The following SIX2 variants were observed in gnomAD, a reference collection of about 807,000 sequenced individuals.
SIX2 encodes homeobox protein SIX2.
Under a neutral mutation model 22.8 loss-of-function variants are expected in SIX2, and 20 were observed. The ratio of observed to expected loss-of-function variants is 0.88; its 90% CI spans 0.62 to 1.28. The LOEUF (loss-of-function observed/expected upper bound fraction) is 1.28. Among genes scored for constraint, SIX2 ranks in the 50% most tolerant of loss-of-function variants. The pLI, the probability that SIX2 is intolerant of heterozygous loss-of-function variation, is 0.00. For missense variants in SIX2, 360 were observed against 400.0 expected (o/e 0.90, Z 0.85); for synonymous variants, 195 against 186.4 (o/e 1.05, Z -0.37).
At position 45,006,944 on chromosome 2, in the gene SIX2, C is replaced by T. The variant is rs2164705; in HGVS notation, c.561-459G>A. ...TAGCAGGTTAAGGAACCCTGGATCC[C>T]AGGTCAAGGGATTTAGGGCCTCTCA... On this transcript the variant is annotated intron_variant, in intron 1 of 1. Coordinates refer to ENST00000303077, the MANE Select transcript of SIX2 (RefSeq NM_016932.5). The surrounding 1 kb of genome is among the most constrained non-coding windows in gnomAD (Gnocchi z 4.2). Among the ~76,000 whole-genome samples, 2 of 152,276 alleles carry T rather than the reference C, an allele frequency of 1.3e-5. No individual in the cohort carries two copies. Among genetic ancestry groups the T allele is most frequent in the South Asian group, 4.1e-4 (2 of 4,824 alleles).
Position 45,005,716 on chromosome 2 carries a change from G to C in SIX2, c.*454C>G, listed in dbSNP as rs1667739308. 1 of 295,184 alleles carries C rather than the reference G, an allele frequency of 3.4e-6. No homozygotes were observed. The allele number at this position is 295,184 out of a possible 1,614,324, so 18.3% of individuals were successfully genotyped here. A position where few individuals can be genotyped will look rare whatever the true frequency, so the allele number is the denominator to read the frequency against. On this transcript the variant is annotated 3_prime_UTR_variant, in exon 2 of 2. Coordinates refer to ENST00000303077, the MANE Select transcript of SIX2 (RefSeq NM_016932.5). ...AGAAGAGAGGAGAAACAGAGAAGGAGAGAGAAAGGGAGAGACAGAAGGAGA... is the reference window on the plus strand; with the variant it reads ...AGAAGAGAGGAGAAACAGAGAAGGACAGAGAAAGGGAGAGACAGAAGGAGA...
In SIX2 at chr2:45,005,582, C is replaced by T. The variant is rs1480219064; in HGVS notation, c.*588G>A. On this transcript the variant is annotated 3_prime_UTR_variant, in exon 2 of 2. Coordinates refer to ENST00000303077, the MANE Select transcript of SIX2 (RefSeq NM_016932.5). Reference sequence around the variant, plus strand: ...CTCTTCCCTCTCCCACCCCCTACTCCGGTAAAGCGAGGGCCAGAGGTAGGG... The same window carrying T: ...CTCTTCCCTCTCCCACCCCCTACTCTGGTAAAGCGAGGGCCAGAGGTAGGG... 1 of 166,326 alleles carries T rather than the reference C, an allele frequency of 6.0e-6. No homozygotes were observed. The highest frequency in any genetic ancestry group is 5.5e-5 in the Admixed American group (1 of 18,164). 10.3% of individuals were successfully genotyped at this position (166,326 alleles called of 1,614,324 possible).
In SIX2 at chr2:45,006,781, A is replaced by G. The variant is rs1381688411; in HGVS notation, c.561-296T>C. On this transcript the variant is annotated intron_variant, in intron 1 of 1. Coordinates refer to ENST00000303077, the MANE Select transcript of SIX2 (RefSeq NM_016932.5). The surrounding 1 kb of genome is among the most constrained non-coding windows in gnomAD (Gnocchi z 4.2). ...TATTTCCTCTTTCCCCCCTTCCCCA[A>G]TATTTCTTTTCAGGAACAGAGGTGC... 1.3e-5 allele frequency among the ~76,000 whole-genome samples: 2 copies of G among 151,838 alleles called. No homozygotes were observed. Among genetic ancestry groups the G allele is most frequent in the Non-Finnish European group, 2.9e-5 (2 of 67,994 alleles).
rs778361827 is a variant in SIX2, at chr2:45,009,054, C to T, written c.57G>A (p.Glu19=). 1.4e-5 allele frequency: 23 copies of T among 1,604,974 alleles called. No individual in the cohort carries two copies. Among genetic ancestry groups the T allele is most frequent in the South Asian group, 9.9e-5 (9 of 90,766 alleles). The change falls in exon 1 of 2, where the codon GAG becomes GAA. Residue 19 remains glutamate, a synonymous_variant. Transcript: ENST00000303077. ...CGATGTTGCCGCCCTGCTGCAGCAC[C>T]TCGCACACGCACGCCACTTGCTCCT... is the stretch of plus-strand genomic sequence containing the variant. ...FTQEQVACVC[E]VLQQGGNIER...
rs1667829261 is a variant in SIX2 at position 45,009,228 on chromosome 2, C to T, written c.-118G>A. On this transcript the variant is annotated 5_prime_UTR_variant, in exon 1 of 2. Transcript: ENST00000303077. The stretch of plus-strand genomic sequence containing the variant: ...ACGCGGGCGGGGCTGGCCCCCTGGC[C>T]CGGCACTGGCCCCCGGTGAGCCCCG... 2 of 769,604 alleles carry T rather than the reference C, an allele frequency of 2.6e-6. No homozygotes were observed. Among genetic ancestry groups the T allele is most frequent in the Non-Finnish European group, 3.4e-6 (2 of 582,162 alleles). The allele number at this position is 769,604 out of a possible 1,614,324, so 47.7% of individuals were successfully genotyped here.
At chr2:45,008,113 C>T (rs185591150) in intron 1 of SIX2, among the ~76,000 whole-genome samples, 152 of 152,346 alleles carry the variant, frequency 1.0e-3, no homozygotes, top group Non-Finnish European at 1.5e-3. Context: ...GACCCCATCA[C>T]ACTTTGGCCT....
At position 45,009,244 on chromosome 2, in the gene SIX2, G is replaced by A. The variant is rs1408160169; in HGVS notation, c.-134C>T. The stretch of plus-strand genomic sequence containing the variant: ...CCCCCTGGCCCGGCACTGGCCCCCG[G>A]TGAGCCCCGAGTCACTGCCGTACGT... On this transcript the variant is annotated 5_prime_UTR_variant, in exon 1 of 2. Coordinates refer to ENST00000303077, the MANE Select transcript of SIX2 (RefSeq NM_016932.5). 16 of 642,978 alleles carry A rather than the reference G, an allele frequency of 2.5e-5. No individual in the cohort carries two copies. The highest frequency in any genetic ancestry group is 2.5e-5 in the Non-Finnish European group (12 of 471,448). 39.8% of individuals were successfully genotyped at this position (642,978 alleles called of 1,614,324 possible).
rs1667776043 is a variant in SIX2 at position 45,006,907 on chromosome 2, T to C, written c.561-422A>G. On this transcript the variant is annotated intron_variant, in intron 1 of 1. Coordinates refer to ENST00000303077, the MANE Select transcript of SIX2 (RefSeq NM_016932.5). This position sits in a 1 kb window ranked among gnomAD's most constrained non-coding sequence, Gnocchi z 4.2. ...GGCTCCACAAGCCAGGTTTGCTGGG[T>C]AGATGTGGGGCTAGCAGGTTAAGGA... 6.6e-6 allele frequency among the ~76,000 whole-genome samples: 1 copy of C among 152,170 alleles called. No homozygotes were observed. The highest frequency in any genetic ancestry group is 1.5e-5 in the Non-Finnish European group (1 of 68,020).
chr2:45,009,234 C>T lies in SIX2; in HGVS notation c.-124G>A. 2.7e-6 allele frequency: 2 copies of T among 753,982 alleles called. No individual in the cohort carries two copies. Among genetic ancestry groups the T allele is most frequent in the South Asian group, 6.2e-5 (1 of 16,034 alleles). The allele number at this position is 753,982 out of a possible 1,614,324, so 46.7% of individuals were successfully genotyped here. A position where few individuals can be genotyped will look rare whatever the true frequency, so the allele number is the denominator to read the frequency against. On this transcript the variant is annotated 5_prime_UTR_variant, in exon 1 of 2. It adds an upstream start codon to the 5' untranslated region. Transcript: ENST00000303077. The stretch of plus-strand genomic sequence containing the variant: ...GCGGGGCTGGCCCCCTGGCCCGGCA[C>T]TGGCCCCCGGTGAGCCCCGAGTCAC...
At chr2:45,008,473 G>C in intron 1 of SIX2, 78 bp downstream of exon 1, 2 of 1,508,790 alleles carry the variant, frequency 1.3e-6, no homozygotes, top group Non-Finnish European at 1.8e-6. Context: ...GGCCTCTCCG[G>C]GGGACCGGCA....
intron 1 of SIX2, among the ~76,000 whole-genome samples, chr2:45,007,350 T>C (rs1455315992): frequency 6.6e-6 from 1 of 152,174 alleles, no homozygotes. Flanking sequence ...ACCCACCTCC[T>C]TCTATGCCTT....
intron 1 of SIX2, among the ~76,000 whole-genome samples, chr2:45,007,043 C>T (rs538756890): frequency 2.0e-5 from 3 of 152,334 alleles, no homozygotes; most frequent in South Asian, 4.1e-4. Context: ...TGGGGCTAAG[C>T]GTCCTTTCCC....
chr2:45,005,746 G>T lies in SIX2; in HGVS notation c.*424C>A. 1 of 321,390 alleles carries T rather than the reference G, an allele frequency of 3.1e-6. No individual in the cohort carries two copies. The highest frequency in any genetic ancestry group is 7.8e-5 in the East Asian group (1 of 12,742). The allele number at this position is 321,390 out of a possible 1,614,324, so 19.9% of individuals were successfully genotyped here. ...AAAGGGAGAGACAGAAGGAGAGAAT[G>T]AACGGTGGCAAGCTAGAAATCTAGA... On this transcript the variant is annotated 3_prime_UTR_variant, in exon 2 of 2. Coordinates refer to ENST00000303077, the MANE Select transcript of SIX2 (RefSeq NM_016932.5).
At position 45,006,816 on chromosome 2, in the gene SIX2, G is replaced by A. The variant is rs1572648843; in HGVS notation, c.561-331C>T. 6.6e-6 allele frequency among the ~76,000 whole-genome samples: 1 copy of A among 152,318 alleles called. No individual in the cohort carries two copies. Among genetic ancestry groups the A allele is most frequent in the Middle Eastern group, 3.4e-3 (1 of 294 alleles). On this transcript the variant is annotated intron_variant, in intron 1 of 1. Transcript: ENST00000303077. The surrounding 1 kb of genome is among the most constrained non-coding windows in gnomAD (Gnocchi z 4.2). ...TCAGGAACAGAGGTGCAGGAGAACA[G>A]GGTTCCCTGAAGTTGTGGGGTGAGC...
chr2:45,006,038 C>G lies in SIX2; in HGVS notation c.*132G>C, dbSNP rs1161407477. On this transcript the variant is annotated 3_prime_UTR_variant, in exon 2 of 2. Transcript: ENST00000303077. This position sits in a 1 kb window ranked among gnomAD's most constrained non-coding sequence, Gnocchi z 4.2. ...ATAGACAGCTATCTGCCCTACCCGG[C>G]TGTTCTACCCGCTCAGCCTGCGGGT... 1.1e-6 allele frequency: 1 copy of G among 932,888 alleles called. No homozygotes were observed. Among genetic ancestry groups the G allele is most frequent in the East Asian group, 2.4e-5 (1 of 41,612 alleles). The allele number at this position is 932,888 out of a possible 1,614,324, so 57.8% of individuals were successfully genotyped here. A position where few individuals can be genotyped will look rare whatever the true frequency, so the allele number is the denominator to read the frequency against.
rs979761302 is a variant in SIX2 at position 45,006,538 on chromosome 2, A to G, written c.561-53T>C. 26 of 1,546,638 alleles carry G rather than the reference A, an allele frequency of 1.7e-5. No individual in the cohort carries two copies. In the East Asian group the frequency reaches 4.5e-4, roughly 27 times the overall value. ...GTCAGCAGGGACATCGAGACCACCC[A>G]GCGCCATCTCAGTCACAGTCAGAGC... On this transcript the variant is annotated intron_variant, in intron 1 of 1. Coordinates refer to ENST00000303077, the MANE Select transcript of SIX2 (RefSeq NM_016932.5). This position sits in a 1 kb window ranked among gnomAD's most constrained non-coding sequence, Gnocchi z 4.2.
Position 45,005,915 on chromosome 2 carries a change from G to A in SIX2, c.*255C>T, listed in dbSNP as rs1438582273. ...GAGGGAGAGAGAGAATGACAGTGGT[G>A]TATAATTTATTCCCTTCTGTGGTTC... On this transcript the variant is annotated 3_prime_UTR_variant, in exon 2 of 2. Coordinates refer to ENST00000303077, the MANE Select transcript of SIX2 (RefSeq NM_016932.5). The A allele has an allele frequency of 1.5e-5, 9 of 600,352 alleles. No homozygotes were observed. Among genetic ancestry groups the A allele is most frequent in the Admixed American group, 2.8e-5 (1 of 35,702 alleles). The allele number at this position is 600,352 out of a possible 1,614,324, so 37.2% of individuals were successfully genotyped here.
rs1378373658 is a variant in SIX2, at chr2:45,005,359, TG to T, written c.*810del. 3 of 151,950 alleles carry T rather than the reference TG, an allele frequency of 2.0e-5. No homozygotes were observed. Among genetic ancestry groups the T allele is most frequent in the African/African-American group, 7.3e-5 (3 of 41,356 alleles). 9.4% of individuals were successfully genotyped at this position (151,950 alleles called of 1,614,324 possible). A position where few individuals can be genotyped will look rare whatever the true frequency, so the allele number is the denominator to read the frequency against. On this transcript the variant is annotated 3_prime_UTR_variant, in exon 2 of 2. Transcript: ENST00000303077. ...CACAGTCCCGGGAGGAAGAGCGCGG[TG>T]TGGCGGGGCCTCGCCAAGAGAGAAG...
Position 45,006,309 on chromosome 2 carries a change from A to AGGCTGTGCAGGGAC in SIX2, c.723_736dup (p.Leu246ArgfsTer57), listed in dbSNP as rs1481942706. ...TGCGCTGGGGCCCGGAGGGTGGCCC[A>AGGCTGTGCAGGGAC]GGCTGTGCAGGGACGGCAGCCCAGG... is the stretch of plus-strand genomic sequence containing the variant. On this transcript the variant is annotated frameshift_variant, in exon 2 of 2. Transcript: ENST00000303077. LOFTEE classifies it high-confidence loss of function. This position sits in a 1 kb window ranked among gnomAD's most constrained non-coding sequence, Gnocchi z 4.2. 6.2e-7 allele frequency: 1 copy of AGGCTGTGCAGGGAC among 1,613,814 alleles called. No homozygotes were observed. The highest frequency in any genetic ancestry group is 1.3e-5 in the African/African-American group (1 of 74,936).
Sources: allele counts gnomAD v4.1 joint callset (sites outside exome capture counted in the v4.1 genomes callset), GRCh38; gene constraint gnomAD v4.1.1; non-coding constraint Gnocchi (gnomAD v3.1); transcripts MANE v1.5; gene names NCBI Gene and HGNC (gene_info 2026-07-23, HGNC 2026-07-21).